The following PPP6R2 variants were observed in gnomAD, a reference collection of about 807,000 sequenced individuals.
PPP6R2 encodes the protein serine/threonine-protein phosphatase 6 regulatory subunit 2.
In PPP6R2, 62 loss-of-function variants were observed where a neutral mutation model predicts 100.2. The ratio of observed to expected loss-of-function variants is 0.62; its 90% confidence interval spans 0.50 to 0.76. The LOEUF is 0.76. Among genes scored for constraint, PPP6R2 ranks in the 30% least tolerant of loss-of-function variants. The pLI, the probability that PPP6R2 is intolerant of heterozygous loss-of-function variation, is 0.00. For synonymous variants in PPP6R2, 525 were observed against 514.7 expected (o/e 1.02, Z -0.27); for missense variants, 1,142 against 1,276.3 (o/e 0.89, Z 1.60).
At chr22:50,410,126 G>T (rs1318816233) in intron 4 of PPP6R2, among the ~76,000 whole-genome samples, 9 of 151,316 alleles carry the variant, frequency 5.9e-5, no homozygotes, top group African/African-American at 2.2e-4. Flanking sequence ...GAATGAGTTT[G>T]TCACTTTCTA....
intron 22 of PPP6R2, 177 bp from the exon 23 acceptor site, chr22:50,443,689 G>A: frequency 2.7e-6 from 2 of 744,844 alleles, no homozygotes; most frequent in Non-Finnish European, 4.2e-6. Flanking sequence ...ACTTGGGGCA[G>A]CAGAGCTGCC....
At chr22:50,424,946 CCTT>C (rs2061890256) in intron 10 of PPP6R2, among the ~76,000 whole-genome samples, 1 of 152,202 alleles carries the variant, frequency 6.6e-6, no homozygotes, top group South Asian at 2.1e-4. Context: ...AGCCCCTTTT[CCTT>C]CTTCAAAAGA....
Position 50,423,436 on chromosome 22 carries a change from C to T in PPP6R2, c.973-26C>T. Reference sequence around the variant, plus strand: ...TGGCCTCACTGCTCACAGGGCCTAACTGGGTGGTGCCTTCTGTGTTTGCAG... The same window carrying T: ...TGGCCTCACTGCTCACAGGGCCTAATTGGGTGGTGCCTTCTGTGTTTGCAG... On this transcript the variant is annotated intron_variant, in intron 9 of 23. Coordinates refer to ENST00000612753, the MANE Select transcript of PPP6R2 (RefSeq NM_001242898.2). The surrounding 1 kb of genome is among the most constrained non-coding windows in gnomAD (Gnocchi z 4.8). 1 of 1,613,826 alleles carries T rather than the reference C, an allele frequency of 6.2e-7. No homozygotes were observed. The highest frequency in any genetic ancestry group is 8.5e-7 in the Non-Finnish European group (1 of 1,179,758).
intron 1 of PPP6R2, among the ~76,000 whole-genome samples, chr22:50,356,553 C>T (rs1390371377): frequency 2.0e-5 from 3 of 152,052 alleles, no homozygotes; most frequent in African/African-American, 4.8e-5. Context: ...CAAGTCTTTT[C>T]TGTGGACATA....
rs772653381 is a variant in PPP6R2 at position 50,444,014 on chromosome 22, G to A, written c.2728G>A (p.Ala910Thr). The change falls in exon 23 of 24, where the codon GCA (alanine) becomes ACA (threonine). Residue 910 changes from alanine (A) to threonine (T), a missense_variant. By Grantham distance (58) the Ala-to-Thr change is moderately conservative (BLOSUM62 0). Around this residue, in one of 2 missense-constraint regions of PPP6R2, gnomAD observed 550 missense variants for 517.4 expected, o/e 1.06. Transcript: ENST00000612753. ...SKAGPAIPTP[A>T]VSSALAVAVP... is the part of the protein sequence containing the mutation. Reference sequence around the variant, plus strand: ...GGCTGGCCCCGCCATACCCACCCCAGCAGTCTCTTCTGCACTGGCCGTGGC... The same window carrying A: ...GGCTGGCCCCGCCATACCCACCCCAACAGTCTCTTCTGCACTGGCCGTGGC... 6 of 1,613,346 alleles carry A rather than the reference G, an allele frequency of 3.7e-6. No individual in the cohort carries two copies. The highest frequency in any genetic ancestry group is 5.1e-6 in the Non-Finnish European group (6 of 1,179,976).
At chr22:50,426,838 A>AC (rs2062215995) in intron 10 of PPP6R2, among the ~76,000 whole-genome samples, 1 of 149,358 alleles carries the variant, frequency 6.7e-6, no homozygotes, top group South Asian at 2.1e-4. Flanking sequence ...TGTTTCAAAA[A>AC]AAAAAAAAAA....
At chr22:50,346,269 G>T (rs1278318105) in intron 1 of PPP6R2, among the ~76,000 whole-genome samples, 1 of 46,878 alleles carries the variant, frequency 2.1e-5, no homozygotes, top group Non-Finnish European at 3.9e-5. Context: ...CCCCTAGTCA[G>T]TTCCCCCCAG....
chr22:50,371,100 C>T, intron 1 of PPP6R2, among the ~76,000 whole-genome samples: 1 of 152,128 alleles, frequency 6.6e-6, no homozygotes, highest in East Asian at 1.9e-4. Context: ...GACTTCATAC[C>T]TGACAACGCC....
In PPP6R2 at chr22:50,370,809, T is replaced by A. The variant is rs140392469; in HGVS notation, c.-147-1211T>A. Among the ~76,000 whole-genome samples the A allele has an allele frequency of 5.3e-3, 799 of 151,556 alleles. 46 individuals carry two copies. The East Asian group carries it at 0.13, about 25-fold the overall frequency. On this transcript the variant is annotated intron_variant, in intron 1 of 23. Transcript: ENST00000612753. ...CCATTGTGCCTCGCTAGTTTTTGTA[T>A]TTTTAGTAGAGACGGGGTTTCACCA...
At chr22:50,441,735 G>A (rs899544919) in intron 22 of PPP6R2, among the ~76,000 whole-genome samples, 4 of 152,068 alleles carry the variant, frequency 2.6e-5, no homozygotes, top group African/African-American at 7.2e-5. Context: ...GAGGCTGGCC[G>A]GCCCCTCCAG....
Position 50,348,744 on chromosome 22 carries a change from G to C in PPP6R2, c.-148+5194G>C, listed in dbSNP as rs193187469. ...TATACAACTGTCATCATGGGGGCAA[G>C]GTATAAAGCCTTGGGGATGGCTATT... is the stretch of plus-strand genomic sequence containing the variant. On this transcript the variant is annotated intron_variant, in intron 1 of 23. Coordinates refer to ENST00000612753, the MANE Select transcript of PPP6R2 (RefSeq NM_001242898.2). 6.3e-3 allele frequency among the ~76,000 whole-genome samples: 960 copies of C among 152,222 alleles called. 45 individuals are homozygous for C. The highest frequency in any genetic ancestry group is 0.06 in the Admixed American group (911 of 15,258).
intron 10 of PPP6R2, among the ~76,000 whole-genome samples, chr22:50,426,816 A>G (rs2062203758): frequency 7.2e-6 from 1 of 139,852 alleles, no homozygotes; most frequent in Non-Finnish European, 1.5e-5. Context: ...CCTGGGTGAC[A>G]GAGCGAGATT....
At chr22:50,336,650 T>C in the PPP6R2 span, among the ~76,000 whole-genome samples, 2 of 152,168 alleles carry the variant, frequency 1.3e-5, no homozygotes, top group Admixed American at 6.6e-5. Context: ...TGCCTCAGCC[T>C]CCCAAATTGC....
At chr22:50,408,285 C>CA (rs1402205402) in intron 4 of PPP6R2, among the ~76,000 whole-genome samples, 1 of 152,176 alleles carries the variant, frequency 6.6e-6, no homozygotes, top group Non-Finnish European at 1.5e-5. Flanking sequence ...TACCATCAAA[C>CA]ATTCAGTCAG....
the PPP6R2 span, among the ~76,000 whole-genome samples, chr22:50,332,231 A>ATTT: frequency 2.1e-5 from 3 of 145,210 alleles, no homozygotes; most frequent in African/African-American, 7.6e-5. Context: ...CTTCTAGAAG[A>ATTT]TTTTTTTTTT....
chr22:50,438,665 G>A lies in PPP6R2; in HGVS notation c.2031G>A (p.Gly677=). The A allele has an allele frequency of 6.2e-7, 1 of 1,614,066 alleles. No individual in the cohort carries two copies. The highest frequency in any genetic ancestry group is 8.5e-7 in the Non-Finnish European group (1 of 1,180,006). Residue 677 remains glycine (G), a synonymous_variant, in exon 19 of 24, where the codon GGG becomes GGA. Transcript: ENST00000612753. ...KNGPERGGQD[G]KASLEAHRDA... is the part of the protein sequence containing the mutation. ...GCCCAGAGCGTGGAGGCCAGGATGG[G>A]AAGGCGAGCTTGGAAGCACACAGAG...
chr22:50,384,028 T>C, intron 2 of PPP6R2, among the ~76,000 whole-genome samples: 2 of 112,530 alleles, frequency 1.8e-5, no homozygotes, highest in East Asian at 2.7e-4. Flanking sequence ...TGAGCGAGAC[T>C]CCATCTCAAA....
chr22:50,442,040 G>T (rs1225267244), intron 22 of PPP6R2, among the ~76,000 whole-genome samples: 2 of 152,152 alleles, frequency 1.3e-5, no homozygotes, highest in Non-Finnish European at 2.9e-5. Flanking sequence ...AGGGGACAAG[G>T]TGCCTTTCAC....
At chr22:50,412,991 G>C (rs7289750) in intron 4 of PPP6R2, among the ~76,000 whole-genome samples, 55,138 of 136,792 alleles carry the variant, frequency 0.4, 10,792 homozygotes, top group East Asian at 0.69. Flanking sequence ...ACAGAGTTTT[G>C]CTCTTGTTGC....
Sources: gnomAD v4.1 joint callset for allele counts (sites outside exome capture counted in the v4.1 genomes callset) on GRCh38, gnomAD v4.1.1 for gene constraint, gnomAD v4.1.1 regional missense constraint, Gnocchi (gnomAD v3.1) non-coding constraint, MANE v1.5 for transcripts, NCBI Gene and HGNC (gene_info 2026-07-23, HGNC 2026-07-21) for gene names.